Variants in TMEM117 observed in about 807,000 individuals in gnomAD.
TMEM117 encodes the protein transmembrane protein 117.
A neutral mutation model predicts 52.4 loss-of-function variants in TMEM117; 27 were observed. The ratio of observed to expected loss-of-function variants is 0.51; its 90% CI spans 0.38 to 0.71. The LOEUF (loss-of-function observed/expected upper bound fraction) is 0.71. TMEM117 is among the 30% of genes least tolerant of loss of function. The probability of loss-of-function intolerance (pLI) is 0.00; values close to 1 mark genes in which losing one functional copy is unlikely to be tolerated. For missense variants in TMEM117, 556 were observed against 630.5 expected, an observed-to-expected ratio of 0.88 and a Z score of 1.26; for synonymous variants, 215 against 206.3, an observed-to-expected ratio of 1.04 and a Z score of -0.36.
intron 2 of TMEM117, among the ~76,000 whole-genome samples, chr12:43,849,133 A>G (rs550329158): frequency 3.0e-4 from 46 of 152,332 alleles, no homozygotes; most frequent in African/African-American, 1.1e-3. Flanking sequence ...CAAACATTAA[A>G]CAAGCATCAT....
chr12:43,885,772 G>C (rs1190904751), intron 2 of TMEM117, among the ~76,000 whole-genome samples: 2 of 152,126 alleles, frequency 1.3e-5, no homozygotes, highest in East Asian at 1.9e-4. Flanking sequence ...ATATGCACAG[G>C]AAGCTCTCAG....
intron 2 of TMEM117, among the ~76,000 whole-genome samples, chr12:43,885,276 G>C (rs1943971248): frequency 6.6e-6 from 1 of 152,156 alleles, no homozygotes; most frequent in Non-Finnish European, 1.5e-5. Context: ...ACTGTTTTGA[G>C]ATCAGCATGC....
At chr12:43,860,722 G>A (rs1363438616) in intron 2 of TMEM117, among the ~76,000 whole-genome samples, 2 of 152,108 alleles carry the variant, frequency 1.3e-5, no homozygotes, top group Non-Finnish European at 2.9e-5. Context: ...GAGGAGAAGT[G>A]GAGGGAGGTG....
chr12:44,276,936 TA>T (rs2138583503), intron 5 of TMEM117, among the ~76,000 whole-genome samples: 1 of 140,152 alleles, frequency 7.1e-6, no homozygotes, highest in Non-Finnish European at 1.5e-5. Flanking sequence ...GTGTGTGTAA[TA>T]GATCCTGACT....
intron 3 of TMEM117, among the ~76,000 whole-genome samples, chr12:43,955,187 T>C (rs1250312096): frequency 6.6e-6 from 1 of 152,092 alleles, no homozygotes; most frequent in African/African-American, 2.4e-5. Flanking sequence ...ATCAATAACA[T>C]ACCGAATGGG....
At chr12:44,384,716 G>A (rs1443370129) in intron 7 of TMEM117, among the ~76,000 whole-genome samples, 1 of 152,036 alleles carries the variant, frequency 6.6e-6, no homozygotes, top group Non-Finnish European at 1.5e-5. Flanking sequence ...ATTAGATAAT[G>A]TAATCACTTT....
intron 6 of TMEM117, among the ~76,000 whole-genome samples, chr12:44,335,763 G>T (rs1030158266): frequency 3.3e-5 from 5 of 151,926 alleles, no homozygotes; most frequent in African/African-American, 1.2e-4. Flanking sequence ...GCATTGAAGA[G>T]AATCAAACAG....
intron 2 of TMEM117, among the ~76,000 whole-genome samples, chr12:43,863,752 C>G (rs1461490964): frequency 6.6e-6 from 1 of 152,210 alleles, no homozygotes; most frequent in Non-Finnish European, 1.5e-5. Context: ...CCTCGCAGCC[C>G]TCACTCACTC....
At chr12:44,025,289 G>A (rs1252019395) in intron 3 of TMEM117, among the ~76,000 whole-genome samples, 5 of 152,104 alleles carry the variant, frequency 3.3e-5, no homozygotes, top group African/African-American at 9.7e-5. Flanking sequence ...CATACGCAGC[G>A]GGTGTGCAGC....
chr12:43,813,002 G>C, the TMEM117 span, among the ~76,000 whole-genome samples: 1 of 138,596 alleles, frequency 7.2e-6, no homozygotes, highest in African/African-American at 2.9e-5. Context: ...GTGAGACCCT[G>C]TCTCCAAAAA....
chr12:44,224,030 A>G (rs974619785), intron 5 of TMEM117, among the ~76,000 whole-genome samples: 27 of 152,034 alleles, frequency 1.8e-4, no homozygotes, highest in African/African-American at 6.3e-4. Flanking sequence ...TTTGGTAAAC[A>G]TTCTTCCCCA....
chr12:44,034,819 G>A (rs1285914275), intron 3 of TMEM117, among the ~76,000 whole-genome samples: 1 of 152,190 alleles, frequency 6.6e-6, no homozygotes, highest in African/African-American at 2.4e-5. Flanking sequence ...GGGTGTGTCT[G>A]TAAGGATGTT....
intron 3 of TMEM117, among the ~76,000 whole-genome samples, chr12:44,127,199 T>C (rs1948339870): frequency 1.3e-5 from 2 of 152,216 alleles, no homozygotes; most frequent in African/African-American, 4.8e-5. Flanking sequence ...TGTCATATGT[T>C]GATAGGCATT....
At chr12:44,097,864 A>G (rs1173662992) in intron 3 of TMEM117, among the ~76,000 whole-genome samples, 1 of 151,710 alleles carries the variant, frequency 6.6e-6, no homozygotes, top group Non-Finnish European at 1.5e-5. Context: ...TATAATAATA[A>G]TAAAATAAAA....
the TMEM117 span, chr12:43,799,292 C>T: frequency 1.5e-6 from 1 of 669,150 alleles, no homozygotes; most frequent in Non-Finnish European, 2.4e-6. Flanking sequence ...TAAACCTAAG[C>T]TACCTAACTT....
chr12:44,299,827 C>G, intron 6 of TMEM117, 88 bp downstream of exon 6: 1 of 1,470,992 alleles, frequency 6.8e-7, no homozygotes, highest in Non-Finnish European at 9.2e-7. Context: ...CTCCATAAAT[C>G]TAAATAAGTA....
At chr12:44,198,880 G>A (rs1949455483) in intron 4 of TMEM117, among the ~76,000 whole-genome samples, 1 of 152,018 alleles carries the variant, frequency 6.6e-6, no homozygotes, top group Non-Finnish European at 1.5e-5. Context: ...AACGTTGTAA[G>A]CAATCAAACA....
Position 44,272,125 on chromosome 12 carries a change from G to A in TMEM117, c.609-27455G>A, listed in dbSNP as rs138444979. ...AGAAAAAAGTGGAACCTTATTCACT[G>A]TTGGTGGTATGTATATTGGTACAAC... On this transcript the variant is annotated intron_variant, in intron 5 of 7. Transcript: ENST00000266534. 3.9e-3 allele frequency among the ~76,000 whole-genome samples: 593 copies of A among 152,202 alleles called. 7 individuals carry two copies. The highest frequency in any genetic ancestry group is 0.013 in the African/African-American group (546 of 41,564).
At chr12:44,218,487 A>G (rs944388895) in intron 5 of TMEM117, among the ~76,000 whole-genome samples, 4 of 152,160 alleles carry the variant, frequency 2.6e-5, no homozygotes, top group African/African-American at 9.7e-5. Context: ...TGTACCCTCA[A>G]CACGATAAAG....
Sources: gnomAD v4.1 joint callset for allele counts (sites outside exome capture counted in the v4.1 genomes callset) on GRCh38, gnomAD v4.1.1 for gene constraint, MANE v1.5 for transcripts, NCBI Gene and HGNC (gene_info 2026-07-23, HGNC 2026-07-21) for gene names.